Variants in SCFD2 observed in about 807,000 individuals in gnomAD.
SCFD2 encodes sec1 family domain-containing protein 2.
Under a neutral mutation model 58.9 loss-of-function variants are expected in SCFD2, and 54 were observed. That is an observed-to-expected ratio of 0.92 (90% CI 0.74 to 1.15). The LOEUF is 1.15. Ranked by LOEUF, SCFD2 falls within the 50% of genes most tolerant of loss-of-function variation. SCFD2 has a pLI of 0.00. For missense variants in SCFD2, 805 were observed against 836.6 expected (o/e 0.96, Z 0.47); for synonymous variants, 321 against 335.9 (o/e 0.96, Z 0.49).
chr4:53,229,974 C>T (rs1219082670), intron 4 of SCFD2, among the ~76,000 whole-genome samples: 2 of 152,178 alleles, frequency 1.3e-5, no homozygotes, highest in African/African-American at 4.8e-5. Flanking sequence ...GATGAACAGA[C>T]ACTTCTCAAA....
chr4:52,887,694 C>T (rs1233163826), intron 7 of SCFD2, among the ~76,000 whole-genome samples: 3 of 152,268 alleles, frequency 2.0e-5, no homozygotes, highest in South Asian at 2.1e-4. Flanking sequence ...ACAGGCTTCA[C>T]CTCCAGCAAG....
At chr4:53,210,208 C>A (rs1728565563) in intron 4 of SCFD2, among the ~76,000 whole-genome samples, 1 of 151,912 alleles carries the variant, frequency 6.6e-6, no homozygotes, top group African/African-American at 2.4e-5. Flanking sequence ...GAACTGTGGG[C>A]AGCTAGGAGA....
intron 5 of SCFD2, among the ~76,000 whole-genome samples, chr4:52,960,709 GACAC>G (rs72290110): frequency 3.7e-4 from 55 of 149,708 alleles, no homozygotes; most frequent in Non-Finnish European, 4.3e-4. Context: ...TTCTTTCTCT[GACAC>G]ACACACACAC....
intron 4 of SCFD2, among the ~76,000 whole-genome samples, chr4:53,257,243 C>A (rs541318990): frequency 1.3e-5 from 2 of 152,136 alleles, no homozygotes; most frequent in African/African-American, 2.4e-5. Context: ...CTTTTCTTCT[C>A]GGTCACAGGC....
At chr4:52,956,396 G>A (rs548222165) in intron 5 of SCFD2, 1 of 369,314 alleles carries the variant, frequency 2.7e-6, no homozygotes, top group Non-Finnish European at 5.3e-6. Context: ...ATTATCTTAA[G>A]GAAAAGAGGA....
At chr4:53,214,063 C>T (rs1332181566) in intron 4 of SCFD2, among the ~76,000 whole-genome samples, 1 of 151,946 alleles carries the variant, frequency 6.6e-6, no homozygotes, top group African/African-American at 2.4e-5. Context: ...CATTCATGGA[C>T]ATTTCGGTTG....
intron 5 of SCFD2, among the ~76,000 whole-genome samples, chr4:53,008,188 T>C (rs1722021269): frequency 6.6e-6 from 1 of 152,174 alleles, no homozygotes; most frequent in Non-Finnish European, 1.5e-5. Flanking sequence ...CAGGAAGCAC[T>C]AGAATACAGA....
intron 4 of SCFD2, among the ~76,000 whole-genome samples, chr4:53,180,959 A>G (rs1317549240): frequency 1.3e-5 from 2 of 152,220 alleles, no homozygotes; most frequent in Non-Finnish European, 2.9e-5. Flanking sequence ...ACCAGGAAGA[A>G]GTTGAATCTC....
chr4:53,115,060 G>T (rs546430922), intron 5 of SCFD2, among the ~76,000 whole-genome samples: 3 of 151,958 alleles, frequency 2.0e-5, no homozygotes, highest in Admixed American at 2.0e-4. Context: ...ACACAGGAAA[G>T]GGAAAACAGA....
chr4:53,049,804 A>G (rs1196977627), intron 5 of SCFD2, among the ~76,000 whole-genome samples: 1 of 152,146 alleles, frequency 6.6e-6, no homozygotes, highest in Non-Finnish European at 1.5e-5. Context: ...AAAATTAGAT[A>G]AAATGCACAG....
chr4:53,335,408 G>A (rs1271463495), intron 2 of SCFD2, among the ~76,000 whole-genome samples: 1 of 152,032 alleles, frequency 6.6e-6, no homozygotes, highest in African/African-American at 2.4e-5. Flanking sequence ...AGACTAAGAG[G>A]GAATGACAAG....
intron 4 of SCFD2, among the ~76,000 whole-genome samples, chr4:53,209,714 G>A (rs1353625192): frequency 1.3e-5 from 2 of 151,816 alleles, no homozygotes; most frequent in Non-Finnish European, 2.9e-5. Flanking sequence ...TGACATACCA[G>A]TGTTCTTACA....
At chr4:53,054,408 A>G (rs1723266409) in intron 5 of SCFD2, among the ~76,000 whole-genome samples, 1 of 152,136 alleles carries the variant, frequency 6.6e-6, no homozygotes, top group Non-Finnish European at 1.5e-5. Flanking sequence ...ATTTTGTATT[A>G]ATCAGCTCTA....
At chr4:52,984,435 C>T (rs564498858) in intron 5 of SCFD2, among the ~76,000 whole-genome samples, 2 of 152,312 alleles carry the variant, frequency 1.3e-5, no homozygotes, top group African/African-American at 4.8e-5. Context: ...ATCCAACCCA[C>T]TTTTAATTAT....
At chr4:53,192,167 A>G (rs1211486398) in intron 4 of SCFD2, among the ~76,000 whole-genome samples, 1 of 152,198 alleles carries the variant, frequency 6.6e-6, no homozygotes, top group Non-Finnish European at 1.5e-5. Context: ...AAGAGGAACT[A>G]AAGAGTAGTT....
chr4:53,265,487 G>C (rs1730956416), intron 4 of SCFD2: 1 of 152,050 alleles, frequency 6.6e-6, no homozygotes, highest in South Asian at 2.1e-4. Context: ...TCACGAATTT[G>C]CATGTCATCT....
At chr4:53,335,418 G>A (rs1322864034) in intron 2 of SCFD2, among the ~76,000 whole-genome samples, 2 of 152,138 alleles carry the variant, frequency 1.3e-5, no homozygotes, top group Non-Finnish European at 2.9e-5. Context: ...GGAATGACAA[G>A]TGAATGCAGC....
At chr4:53,223,370 A>C (rs1437133889) in intron 4 of SCFD2, among the ~76,000 whole-genome samples, 2 of 152,208 alleles carry the variant, frequency 1.3e-5, no homozygotes, top group Non-Finnish European at 2.9e-5. Flanking sequence ...AGGAACTGTT[A>C]TAGTTCATCA....
At position 53,211,359 on chromosome 4, in the gene SCFD2, C is replaced by T. The variant is rs139448142; in HGVS notation, c.1311+62467G>A. ...GCATGGAAGCTCCATTCCCCTTCCC[C>T]CATACCTTGCGTTACACATCTTTTC... On this transcript the variant is annotated intron_variant, in intron 4 of 8. Transcript: ENST00000401642. 2.0e-3 allele frequency among the ~76,000 whole-genome samples: 311 copies of T among 152,218 alleles called. 4 individuals carry two copies. Among genetic ancestry groups the T allele is most frequent in the African/African-American group, 7.2e-3 (298 of 41,492 alleles).
Sources: allele counts gnomAD v4.1 joint callset (sites outside exome capture counted in the v4.1 genomes callset), GRCh38; gene constraint gnomAD v4.1.1; transcripts MANE v1.5; gene names NCBI Gene and HGNC (gene_info 2026-07-23, HGNC 2026-07-21).